The following LCLAT1 variants were observed in gnomAD, a reference collection of about 807,000 sequenced individuals.
LCLAT1 encodes the protein 1-AGP acyltransferase 8.
In LCLAT1, 11 loss-of-function variants were observed where a neutral mutation model predicts 30.7. The observed-to-expected ratio is 0.36, with a 90% CI of 0.23 to 0.59. The LOEUF (loss-of-function observed/expected upper bound fraction) is 0.59, where lower values mean the gene tolerates loss of function less well. LCLAT1 is among the 20% of genes least tolerant of loss of function. The pLI is 0.77. For missense variants in LCLAT1, 402 were observed against 458.6 expected, an observed-to-expected ratio of 0.88 and a Z score of 1.13; for synonymous variants, 155 against 151.3, an observed-to-expected ratio of 1.02 and a Z score of -0.18.
At chr2:30,621,270 A>G (rs770359704) in intron 5 of LCLAT1, among the ~76,000 whole-genome samples, 5 of 152,200 alleles carry the variant, frequency 3.3e-5, no homozygotes, top group African/African-American at 1.2e-4. Flanking sequence ...GTTGCTGTGG[A>G]GTGAACGTTT....
intron 5 of LCLAT1, among the ~76,000 whole-genome samples, chr2:30,585,402 G>C (rs1223896074): frequency 6.6e-6 from 1 of 152,142 alleles, no homozygotes; most frequent in African/African-American, 2.4e-5. Context: ...CTGGAGAGGG[G>C]AGACTTAGCA....
chr2:30,480,892 C>A (rs1252651), intron 1 of LCLAT1, among the ~76,000 whole-genome samples: 126,729 of 152,192 alleles, frequency 0.83, 52,930 homozygotes, highest in East Asian at 0.94. Context: ...GGTGGAAAAC[C>A]AGGAAACAGA....
chr2:30,542,027 A>G (rs1314893743), intron 3 of LCLAT1, among the ~76,000 whole-genome samples: 2 of 151,906 alleles, frequency 1.3e-5, no homozygotes, highest in African/African-American at 2.4e-5. Flanking sequence ...TTGTTTTATG[A>G]TGTTTCTAGT....
chr2:30,601,002 A>T (rs4951997), intron 5 of LCLAT1, among the ~76,000 whole-genome samples: 19,281 of 151,906 alleles, frequency 0.13, 1,357 homozygotes, highest in South Asian at 0.23. Context: ...TTTTTTCTCT[A>T]ATCTTAAATG....
intron 5 of LCLAT1, among the ~76,000 whole-genome samples, chr2:30,637,476 A>G (rs1160047323): frequency 1.3e-5 from 2 of 152,196 alleles, no homozygotes; most frequent in Non-Finnish European, 2.9e-5. Context: ...CCACTGTAGC[A>G]TACAAGGCAA....
chr2:30,540,637 G>T (rs1469499140), intron 3 of LCLAT1, among the ~76,000 whole-genome samples: 1 of 151,204 alleles, frequency 6.6e-6, no homozygotes, highest in African/African-American at 2.4e-5. Context: ...TTCAATGTAG[G>T]TTTATATTTA....
chr2:30,606,044 A>T (rs1558551282), intron 5 of LCLAT1: 3 of 1,298,916 alleles, frequency 2.3e-6, no homozygotes, highest in East Asian at 5.7e-5. Flanking sequence ...GAAGTAAAGG[A>T]CCACTTCAAG....
intron 5 of LCLAT1, among the ~76,000 whole-genome samples, chr2:30,624,787 A>C (rs13421822): frequency 0.019 from 2,900 of 152,282 alleles, 92 homozygotes; most frequent in African/African-American, 0.065. Flanking sequence ...TATTTACAGA[A>C]CATTCTACCC....
chr2:30,615,880 A>T (rs943695344), intron 5 of LCLAT1, among the ~76,000 whole-genome samples: 5 of 152,216 alleles, frequency 3.3e-5, no homozygotes, highest in Non-Finnish European at 5.9e-5. Flanking sequence ...TGATTGAATG[A>T]TCAAGACTTA....
intron 1 of LCLAT1, among the ~76,000 whole-genome samples, chr2:30,453,276 G>C (rs940517454): frequency 6.6e-6 from 1 of 152,152 alleles, no homozygotes; most frequent in Non-Finnish European, 1.5e-5. Context: ...AGAGGAATGA[G>C]TGGTGGCGGC....
At chr2:30,578,817 A>G (rs1029580283) in intron 5 of LCLAT1, among the ~76,000 whole-genome samples, 2 of 152,146 alleles carry the variant, frequency 1.3e-5, no homozygotes, top group Admixed American at 6.6e-5. Context: ...AGAATTGAAC[A>G]CTTTTTTTCT....
At chr2:30,620,492 A>G (rs923065087) in intron 5 of LCLAT1, among the ~76,000 whole-genome samples, 3 of 152,112 alleles carry the variant, frequency 2.0e-5, no homozygotes, top group Non-Finnish European at 2.9e-5. Flanking sequence ...ATAGGAACCT[A>G]TTTTCCATAG....
At chr2:30,554,033 G>A (rs949082563) in intron 3 of LCLAT1, among the ~76,000 whole-genome samples, 2 of 152,074 alleles carry the variant, frequency 1.3e-5, no homozygotes, top group Non-Finnish European at 2.9e-5. Context: ...AGGTATTCCT[G>A]TGATTTTTTT....
intron 1 of LCLAT1, among the ~76,000 whole-genome samples, chr2:30,495,161 A>G (rs1684045387): frequency 6.6e-6 from 1 of 152,082 alleles, no homozygotes; most frequent in Non-Finnish European, 1.5e-5. Context: ...TTGCTTTCCT[A>G]CGAATTTAAT....
chr2:30,533,108 T>A lies in LCLAT1; in HGVS notation c.166-8T>A. 1 of 1,602,508 alleles carries A rather than the reference T, an allele frequency of 6.2e-7. No individual in the cohort carries two copies. The highest frequency in any genetic ancestry group is 8.6e-7 in the Non-Finnish European group (1 of 1,169,334). On this transcript the variant is annotated splice_region_variant and splice_polypyrimidine_tract_variant and intron_variant, in intron 2 of 5. Transcript: ENST00000379509. ...TTAATTTGCTGTATATCTGTATTGTTTTCTTAGGCATTATTGGAGACCATG... is the reference window on the plus strand; with the variant it reads ...TTAATTTGCTGTATATCTGTATTGTATTCTTAGGCATTATTGGAGACCATG...
At chr2:30,569,766 A>C (rs1181346638) in intron 5 of LCLAT1, among the ~76,000 whole-genome samples, 3 of 152,360 alleles carry the variant, frequency 2.0e-5, no homozygotes, top group African/African-American at 7.2e-5. Context: ...TGGTATGGTA[A>C]ACCAAAAATG....
chr2:30,606,134 G>T lies in LCLAT1; in HGVS notation c.629-33983G>T, dbSNP rs528080853. The T allele has an allele frequency of 3.1e-4, 251 of 812,156 alleles. 1 individual carries two copies. The highest frequency in any genetic ancestry group is 2.5e-3 in the Middle Eastern group (9 of 3,548). The allele number at this position is 812,156 out of a possible 1,614,324, so 50.3% of individuals were successfully genotyped here. A position where few individuals can be genotyped will look rare whatever the true frequency, so the allele number is the denominator to read the frequency against. On this transcript the variant is annotated intron_variant, in intron 5 of 5. Transcript: ENST00000379509. ...AACACTCCATGCTCATGGATTGGAA[G>T]AATCAATATCGTGAAATTGGCCATA...
intron 2 of LCLAT1, among the ~76,000 whole-genome samples, chr2:30,526,353 T>C (rs1331979107): frequency 6.6e-6 from 1 of 152,182 alleles, no homozygotes; most frequent in Non-Finnish European, 1.5e-5. Context: ...ATGATTTCTG[T>C]TTATCTGTTT....
At chr2:30,522,053 T>G (rs1325364254) in intron 1 of LCLAT1, among the ~76,000 whole-genome samples, 2 of 152,258 alleles carry the variant, frequency 1.3e-5, no homozygotes, top group Non-Finnish European at 2.9e-5. Flanking sequence ...TTCTGAGTAG[T>G]ATGCCATTGT....
Sources: gnomAD v4.1 joint callset for allele counts (sites outside exome capture counted in the v4.1 genomes callset) on GRCh38, gnomAD v4.1.1 for gene constraint, MANE v1.5 for transcripts, NCBI Gene and HGNC (gene_info 2026-07-23, HGNC 2026-07-21) for gene names.